AR: variants seen among roughly 807,000 people sequenced by gnomAD.
The protein encoded by AR is dihydrotestosterone receptor.
Under a neutral mutation model 53.9 loss-of-function variants are expected in AR, and 8 were observed. The ratio of observed to expected loss-of-function variants is 0.15; its 90% confidence interval spans 0.09 to 0.27. The LOEUF (loss-of-function observed/expected upper bound fraction) is 0.27. Ranked by LOEUF, AR falls within the 10% of genes least tolerant of loss-of-function variation. The pLI is 1.00. For synonymous variants in AR, 359 were observed against 316.4 expected (o/e 1.13, Z -1.43); for missense variants, 639 against 742.5 (o/e 0.86, Z 1.62).
intron 1 of AR, among the ~76,000 whole-genome samples, chrX:67,574,375 T>C (rs767760335): frequency 3.6e-5 from 4 of 111,107 alleles, no homozygotes; most frequent in African/African-American, 1.3e-4. Context: ...TAAGTAAGAC[T>C]GTATTCCAGA....
chrX:67,556,898 A>G lies in AR; in HGVS notation c.1616+10136A>G, dbSNP rs760586363. On this transcript the variant is annotated intron_variant, in intron 1 of 7. Coordinates refer to ENST00000374690, the MANE Select transcript of AR (RefSeq NM_000044.6). ...TGTGATGGAGGACAAAGAGGCCCAT[A>G]TGGCTGGTTTAAATAAGTGAAGGAT... Among the ~76,000 whole-genome samples, 10 of 111,254 alleles carry G rather than the reference A, an allele frequency of 9.0e-5. No individual in the cohort carries two copies. The South Asian group carries it at 1.9e-3, about 21-fold the overall frequency.
intron 4 of AR, 46 bp from the exon 5 acceptor site, chrX:67,717,432 C>T (rs1422982020): frequency 4.1e-6 from 5 of 1,206,466 alleles, no homozygotes; most frequent in Non-Finnish European, 5.6e-6. Context: ...TTAGCTCAAC[C>T]CGTCAGTACC....
intron 3 of AR, chrX:67,695,099 C>T (rs954512534): frequency 6.5e-6 from 5 of 773,954 alleles, no homozygotes; most frequent in Non-Finnish European, 7.7e-6. Context: ...CTGGCTCAGT[C>T]GCTTGCTTTT....
intron 1 of AR, among the ~76,000 whole-genome samples, chrX:67,593,210 T>C (rs903325097): frequency 9.9e-5 from 11 of 111,559 alleles, no homozygotes; most frequent in Middle Eastern, 4.2e-3. Context: ...TACCTTTTCA[T>C]TGAAGCCCAT....
At chrX:67,705,725 G>C (rs972850806) in intron 3 of AR, among the ~76,000 whole-genome samples, 2 of 111,724 alleles carry the variant, frequency 1.8e-5, no homozygotes, top group African/African-American at 6.5e-5. Context: ...TCTTGTGCCA[G>C]TTTTCAAAGG....
intron 2 of AR, among the ~76,000 whole-genome samples, chrX:67,680,473 G>A (rs932072159): frequency 1.8e-5 from 2 of 111,795 alleles, no homozygotes; most frequent in African/African-American, 6.5e-5. Context: ...CTTCTTCTTA[G>A]CCAGGAATAT....
At chrX:67,723,455 C>T (rs769636082) in intron 7 of AR, among the ~76,000 whole-genome samples, 10 of 103,086 alleles carry the variant, frequency 9.7e-5, no homozygotes, top group African/African-American at 3.5e-4. Context: ...TATAAGACAT[C>T]TCTTGGGAGC....
chrX:67,551,375 C>T (rs748424536), intron 1 of AR, among the ~76,000 whole-genome samples: 9 of 111,448 alleles, frequency 8.1e-5, no homozygotes, highest in Non-Finnish European at 7.5e-5. Flanking sequence ...ATTCTATCTC[C>T]GACTTCCCCT....
chrX:67,634,466 T>C (rs1233821971), intron 1 of AR, among the ~76,000 whole-genome samples: 1 of 111,886 alleles, frequency 8.9e-6, no homozygotes, highest in Non-Finnish European at 1.9e-5. Context: ...TGTAAATAAA[T>C]TGAAGTCAAA....
intron 2 of AR, 76 bp from the exon 3 acceptor site, chrX:67,685,934 G>T: frequency 8.4e-7 from 1 of 1,194,854 alleles, no homozygotes; most frequent in South Asian, 1.8e-5. Context: ...TATCTTTTCT[G>T]TTCTAGAAAT....
At chrX:67,549,329 A>C (rs1929904751) in intron 1 of AR, among the ~76,000 whole-genome samples, 2 of 111,436 alleles carry the variant, frequency 1.8e-5, no homozygotes, top group Admixed American at 9.5e-5. Context: ...TTTACCATTC[A>C]TGTGTGTGTT....
chrX:67,619,928 C>T (rs1924294418), intron 1 of AR, among the ~76,000 whole-genome samples: 2 of 110,678 alleles, frequency 1.8e-5, no homozygotes, highest in Admixed American at 9.6e-5. Flanking sequence ...AATACCTTGC[C>T]TTGTTTTGCC....
intron 1 of AR, among the ~76,000 whole-genome samples, chrX:67,561,516 T>A (rs183838740): frequency 8.9e-6 from 1 of 112,408 alleles, no homozygotes; most frequent in East Asian, 2.8e-4. Flanking sequence ...ATAAATGAAA[T>A]ATATGGGGGA....
At chrX:67,587,608 G>C (rs1275449354) in intron 1 of AR, among the ~76,000 whole-genome samples, 1 of 111,351 alleles carries the variant, frequency 9.0e-6, no homozygotes, top group Non-Finnish European at 1.9e-5. Flanking sequence ...ACCACATTTA[G>C]CATGTTAGGA....
chrX:67,643,231 G>A (rs2147435609), intron 1 of AR, 25 bp from the exon 2 acceptor site: 1 of 1,210,920 alleles, frequency 8.3e-7, no homozygotes. Flanking sequence ...GACATGTGTT[G>A]CATTGGTTTT....
chrX:67,603,508 G>C (rs1447150884), intron 1 of AR, among the ~76,000 whole-genome samples: 1 of 111,969 alleles, frequency 8.9e-6, no homozygotes, highest in Non-Finnish European at 1.9e-5. Flanking sequence ...AGGCATTCCA[G>C]CTAGGGAGAA....
intron 1 of AR, among the ~76,000 whole-genome samples, chrX:67,550,735 C>A (rs780070503): frequency 1.8e-5 from 2 of 109,677 alleles, no homozygotes; most frequent in South Asian, 7.9e-4. Flanking sequence ...CTCCCTACCC[C>A]CCACCTCCAC....
chrX:67,606,107 G>A (rs1923612514), intron 1 of AR, among the ~76,000 whole-genome samples: 1 of 110,794 alleles, frequency 9.0e-6, no homozygotes, highest in Non-Finnish European at 1.9e-5. Flanking sequence ...ATATGTGATT[G>A]ATTCTGAGGG....
chrX:67,602,133 A>C (rs1412489333), intron 1 of AR, among the ~76,000 whole-genome samples: 3 of 112,533 alleles, frequency 2.7e-5, no homozygotes, highest in Admixed American at 9.4e-5. Flanking sequence ...TAAGTAATAT[A>C]TAATTAGAAA....
Sources: allele counts gnomAD v4.1 joint callset (sites outside exome capture counted in the v4.1 genomes callset), GRCh38; gene constraint gnomAD v4.1.1; transcripts MANE v1.5; gene names NCBI Gene and HGNC (gene_info 2026-07-23, HGNC 2026-07-21).